The following EPHA6 variants were observed in gnomAD, a reference collection of about 807,000 sequenced individuals.
The protein encoded by EPHA6 is EPH receptor A6.
EPHA6 carries 50 observed loss-of-function variants against 112.0 expected under a neutral mutation model. The ratio of observed to expected loss-of-function variants is 0.45; its 90% CI spans 0.36 to 0.56. The LOEUF (loss-of-function observed/expected upper bound fraction) is 0.56. Among genes scored for constraint, EPHA6 ranks in the 20% least tolerant of loss-of-function variants. EPHA6 has a pLI of 0.00. For missense variants in EPHA6, 1,280 were observed against 1,417.4 expected (o/e 0.90, Z 1.56); for synonymous variants, 529 against 490.7 (o/e 1.08, Z -1.03).
At chr3:97,748,543 TGCTCTCACTCTC>T (rs771871962) in intron 17 of EPHA6, 32 bp from the exon 18 acceptor site, 203 of 896,990 alleles carry the variant, frequency 2.3e-4, no homozygotes, top group Non-Finnish European at 3.4e-4. Flanking sequence ...CTCTCTTTCT[TGCTCTCACTCTC>T]GCTCTCACTC....
intron 14 of EPHA6, among the ~76,000 whole-genome samples, chr3:97,703,479 G>A (rs967455998): frequency 6.6e-6 from 1 of 152,128 alleles, no homozygotes; most frequent in Non-Finnish European, 1.5e-5. Context: ...GTTTAATGCT[G>A]TAAAAGTTGT....
At chr3:97,078,924 T>C (rs1054250681) in intron 3 of EPHA6, among the ~76,000 whole-genome samples, 2 of 152,162 alleles carry the variant, frequency 1.3e-5, no homozygotes, top group Non-Finnish European at 2.9e-5. Context: ...TTAGTTGATA[T>C]AGCAGCAGCC....
chr3:97,194,196 G>T (rs1392570845), intron 3 of EPHA6, among the ~76,000 whole-genome samples: 1 of 151,436 alleles, frequency 6.6e-6, no homozygotes, highest in African/African-American at 2.4e-5. Flanking sequence ...TTTGATGCAG[G>T]TGCTTATTGC....
At chr3:96,914,435 A>G (rs1388979623) in intron 2 of EPHA6, among the ~76,000 whole-genome samples, 1 of 152,176 alleles carries the variant, frequency 6.6e-6, no homozygotes, top group East Asian at 1.9e-4. Context: ...GCACCCACAA[A>G]TGTACTTATA....
chr3:96,972,658 T>C (rs1283401462), intron 2 of EPHA6, among the ~76,000 whole-genome samples: 1 of 152,124 alleles, frequency 6.6e-6, no homozygotes, highest in Admixed American at 6.6e-5. Context: ...GTGACTTCCC[T>C]CTCCCTTTTC....
intron 11 of EPHA6, among the ~76,000 whole-genome samples, chr3:97,578,035 A>G (rs536783389): frequency 1.3e-5 from 2 of 152,276 alleles, no homozygotes; most frequent in East Asian, 1.9e-4. Flanking sequence ...AATTACATCC[A>G]TGAAGTCTGT....
chr3:97,582,001 C>A (rs1470632232), intron 11 of EPHA6, among the ~76,000 whole-genome samples: 1 of 151,974 alleles, frequency 6.6e-6, no homozygotes, highest in Non-Finnish European at 1.5e-5. Flanking sequence ...TGAAGCTGTT[C>A]TTTTTTATTT....
chr3:97,085,318 C>T (rs1347715706), intron 3 of EPHA6, among the ~76,000 whole-genome samples: 9 of 152,082 alleles, frequency 5.9e-5, no homozygotes, highest in Admixed American at 2.0e-4. Flanking sequence ...CCCTTTTTCT[C>T]TCAGAAGATC....
intron 7 of EPHA6, among the ~76,000 whole-genome samples, chr3:97,473,465 T>C (rs1448481279): frequency 6.6e-6 from 1 of 151,788 alleles, no homozygotes; most frequent in Non-Finnish European, 1.5e-5. Flanking sequence ...GTAATCTGAT[T>C]TTCAAAAGGC....
At chr3:97,523,648 C>T (rs2092577139) in intron 10 of EPHA6, among the ~76,000 whole-genome samples, 2 of 151,902 alleles carry the variant, frequency 1.3e-5, no homozygotes. Context: ...TATACTATTA[C>T]TATTACTATA....
intron 3 of EPHA6, among the ~76,000 whole-genome samples, chr3:97,224,832 T>C (rs922209174): frequency 2.0e-5 from 3 of 152,284 alleles, no homozygotes; most frequent in Non-Finnish European, 4.4e-5. Context: ...ATATATTCTC[T>C]ATAAATTGAC....
chr3:97,405,257 A>G lies in EPHA6; in HGVS notation c.1714A>G (p.Ile572Val), dbSNP rs753232619. 2.5e-6 allele frequency: 4 copies of G among 1,611,814 alleles called. No homozygotes were observed. Among genetic ancestry groups the G allele is most frequent in the African/African-American group, 1.3e-5 (1 of 75,000 alleles). ...CAATGGAGCCATTCTGGACTACGAGATCAAGTACTATGAGAAAGTAGGTCT... is the reference window on the plus strand; with the variant it reads ...CAATGGAGCCATTCTGGACTACGAGGTCAAGTACTATGAGAAAGTAGGTCT... ...FSNGAILDYE[I>V]KYYEKEHEQL... The change falls in exon 6 of 18, where the codon ATC becomes GTC. Residue 572 changes from isoleucine to valine, a missense_variant. This residue lies in a region of EPHA6 where 878 missense variants were observed against 999.7 expected (regional missense o/e 0.88). Coordinates refer to ENST00000389672, the MANE Select transcript of EPHA6 (RefSeq NM_001080448.3).
chr3:97,010,510 G>A (rs569486357), intron 3 of EPHA6, among the ~76,000 whole-genome samples: 38 of 152,156 alleles, frequency 2.5e-4, no homozygotes, highest in African/African-American at 9.2e-4. Flanking sequence ...GAAATATAAA[G>A]TTATCAAACT....
intron 15 of EPHA6, among the ~76,000 whole-genome samples, chr3:97,723,197 T>G (rs888561178): frequency 2.0e-5 from 3 of 152,176 alleles, no homozygotes; most frequent in Non-Finnish European, 2.9e-5. Context: ...GAAGGACAAA[T>G]GAAGATGCCA....
intron 11 of EPHA6, among the ~76,000 whole-genome samples, chr3:97,541,740 TG>T (rs1274356330): frequency 1.2e-4 from 18 of 144,228 alleles, no homozygotes; most frequent in African/African-American, 4.9e-4. Context: ...TTTTTTTTTT[TG>T]TTTGTTTGTT....
intron 2 of EPHA6, among the ~76,000 whole-genome samples, chr3:96,894,702 G>A (rs551508828): frequency 6.6e-6 from 1 of 152,208 alleles, no homozygotes; most frequent in South Asian, 2.1e-4. Context: ...TGGTTGAGAT[G>A]GCAAACAACT....
chr3:97,629,350 C>T (rs1034415658), intron 13 of EPHA6, among the ~76,000 whole-genome samples: 1 of 151,946 alleles, frequency 6.6e-6, no homozygotes, highest in African/African-American at 2.4e-5. Context: ...CAGCTTAATG[C>T]TAAATACTAT....
chr3:97,275,417 G>A (rs529554067), intron 5 of EPHA6, among the ~76,000 whole-genome samples: 1 of 152,214 alleles, frequency 6.6e-6, no homozygotes, highest in Non-Finnish European at 1.5e-5. Flanking sequence ...AAAGCAAAGA[G>A]AGGCTGGGAT....
intron 2 of EPHA6, among the ~76,000 whole-genome samples, chr3:96,878,370 G>T (rs1487367385): frequency 6.6e-6 from 1 of 151,838 alleles, no homozygotes; most frequent in Non-Finnish European, 1.5e-5. Flanking sequence ...GCAAGCAAGA[G>T]AAGGAAAGAG....
Sources: gnomAD v4.1 joint callset for allele counts (sites outside exome capture counted in the v4.1 genomes callset) on GRCh38, gnomAD v4.1.1 for gene constraint, gnomAD v4.1.1 regional missense constraint, MANE v1.5 for transcripts, NCBI Gene and HGNC (gene_info 2026-07-23, HGNC 2026-07-21) for gene names.